The following DLC1 variants were observed in gnomAD, a reference collection of about 807,000 sequenced individuals.
DLC1 encodes the protein rho GTPase-activating protein 7.
In DLC1, 54 loss-of-function variants were observed where a neutral mutation model predicts 140.3. That is an observed-to-expected ratio of 0.38 (90% CI 0.31 to 0.48). DLC1 has a LOEUF of 0.48. Among genes scored for constraint, DLC1 ranks in the 20% least tolerant of loss-of-function variants. DLC1 has a pLI of 0.96. For missense variants in DLC1, 2,536 were observed against 1,907.0 expected, an observed-to-expected ratio of 1.33 and a Z score of -6.14; for synonymous variants, 986 against 728.1, an observed-to-expected ratio of 1.35 and a Z score of -5.70.
At chr8:13,414,150 T>C (rs79174533) in intron 2 of DLC1, among the ~76,000 whole-genome samples, 374 of 152,346 alleles carry the variant, frequency 2.5e-3, no homozygotes, top group African/African-American at 8.7e-3. Context: ...ATTTTTCATA[T>C]ACTATCTTTT....
chr8:13,095,053 C>T, intron 11 of DLC1, 33 bp downstream of exon 11: 1 of 1,613,748 alleles, frequency 6.2e-7, no homozygotes, highest in Admixed American at 1.7e-5. Flanking sequence ...CCGAGCTCCC[C>T]TGAGTACGTG....
chr8:13,383,859 C>T (rs751067085), intron 4 of DLC1, among the ~76,000 whole-genome samples: 28 of 152,174 alleles, frequency 1.8e-4, no homozygotes, highest in Admixed American at 3.3e-4. Flanking sequence ...CCTGGTAAAA[C>T]GTTTAGAGAA....
chr8:13,417,018 G>A (rs1032942746), intron 2 of DLC1, among the ~76,000 whole-genome samples: 1 of 152,076 alleles, frequency 6.6e-6, no homozygotes, highest in Non-Finnish European at 1.5e-5. Flanking sequence ...TAAGTCCGAG[G>A]ATTTCTTGAG....
At chr8:13,299,279 C>A (rs1832087499) in intron 5 of DLC1, among the ~76,000 whole-genome samples, 1 of 151,458 alleles carries the variant, frequency 6.6e-6, no homozygotes. Flanking sequence ...CCCATCTCTA[C>A]TAAAAATATA....
At chr8:13,535,316 G>A (rs1803241132) in intron 1 of DLC1, among the ~76,000 whole-genome samples, 1 of 152,076 alleles carries the variant, frequency 6.6e-6, no homozygotes, top group Admixed American at 6.6e-5. Flanking sequence ...ACATTTGAAT[G>A]TAAGTGTGGG....
At chr8:13,336,245 C>T (rs377752579) in intron 4 of DLC1, among the ~76,000 whole-genome samples, 2 of 151,808 alleles carry the variant, frequency 1.3e-5, no homozygotes, top group East Asian at 3.9e-4. Context: ...TTTTTTCTAA[C>T]ATAAACCCAG....
chr8:13,253,903 G>A (rs1029842596), intron 5 of DLC1, among the ~76,000 whole-genome samples: 16 of 152,148 alleles, frequency 1.1e-4, no homozygotes, highest in African/African-American at 3.9e-4. Context: ...TATAACATCT[G>A]GACTTCATCA....
intron 5 of DLC1, among the ~76,000 whole-genome samples, chr8:13,140,317 C>A (rs1463068522): frequency 6.6e-6 from 1 of 152,160 alleles, no homozygotes; most frequent in African/African-American, 2.4e-5. Context: ...ACTGCAGCCT[C>A]AAACTCCTGG....
chr8:13,545,020 GC>G (rs1196491822), intron 1 of DLC1, among the ~76,000 whole-genome samples: 1 of 152,104 alleles, frequency 6.6e-6, no homozygotes, highest in African/African-American at 2.4e-5. Context: ...GTCCACAGGG[GC>G]TGGGTTTTTG....
intron 2 of DLC1, among the ~76,000 whole-genome samples, chr8:13,483,172 T>G (rs1476897363): frequency 6.6e-6 from 1 of 152,190 alleles, no homozygotes; most frequent in Non-Finnish European, 1.5e-5. Flanking sequence ...GCCTTGTCTG[T>G]GTGTCCATGT....
At chr8:13,538,953 T>C (rs1045970270) in intron 1 of DLC1, among the ~76,000 whole-genome samples, 2 of 152,222 alleles carry the variant, frequency 1.3e-5, no homozygotes, top group African/African-American at 4.8e-5. Context: ...CATTTTTCTC[T>C]CACTCTTAAA....
intron 5 of DLC1, chr8:13,214,574 T>TTTTTGGCTGCCCGAGGAAATTG: frequency 3.1e-6 from 2 of 647,506 alleles, no homozygotes; most frequent in Admixed American, 2.4e-5. Flanking sequence ...TTTTTTTTTT[T>TTTTTGGCTGCCCGAGGAAATTG]GTGGCTGCCC....
intron 5 of DLC1, among the ~76,000 whole-genome samples, chr8:13,252,890 T>G (rs960165528): frequency 1.3e-5 from 2 of 152,182 alleles, no homozygotes; most frequent in Non-Finnish European, 2.9e-5. Context: ...GCTCAGAACT[T>G]ATTTATAGAA....
chr8:13,212,730 A>G (rs772407192), intron 5 of DLC1, among the ~76,000 whole-genome samples: 5 of 152,176 alleles, frequency 3.3e-5, no homozygotes, highest in Non-Finnish European at 5.9e-5. Flanking sequence ...AATAGTTCCA[A>G]GAACTTCAAA....
At chr8:13,585,318 C>G (rs1805262288) in intron 1 of DLC1, among the ~76,000 whole-genome samples, 1 of 152,038 alleles carries the variant, frequency 6.6e-6, no homozygotes, top group East Asian at 1.9e-4. Flanking sequence ...AATCCCAGCA[C>G]TTTGAGAGGC....
At chr8:13,459,758 A>T (rs1799574588) in intron 2 of DLC1, among the ~76,000 whole-genome samples, 1 of 152,232 alleles carries the variant, frequency 6.6e-6, no homozygotes. Context: ...TTTTTAGAAA[A>T]AAAAGGAAAT....
chr8:13,264,647 C>A (rs1272681397), intron 5 of DLC1, among the ~76,000 whole-genome samples: 1 of 152,054 alleles, frequency 6.6e-6, no homozygotes, highest in East Asian at 1.9e-4. Flanking sequence ...GCTGTAACAG[C>A]AACTGCAATG....
chr8:13,132,929 G>GC (rs1274330801), intron 5 of DLC1: 4 of 1,600,326 alleles, frequency 2.5e-6, no homozygotes, highest in African/African-American at 2.7e-5. Context: ...ACGGCAAGAC[G>GC]CAAGTCTAGC....
chr8:13,172,543 T>C (rs1157162548), intron 5 of DLC1, among the ~76,000 whole-genome samples: 4 of 152,254 alleles, frequency 2.6e-5, no homozygotes, highest in Admixed American at 1.3e-4. Flanking sequence ...ACCGTTATTA[T>C]AATTCCCTTT....
Sources: gnomAD v4.1 joint callset for allele counts (sites outside exome capture counted in the v4.1 genomes callset) on GRCh38, gnomAD v4.1.1 for gene constraint, MANE v1.5 for transcripts, NCBI Gene and HGNC (gene_info 2026-07-23, HGNC 2026-07-21) for gene names.